The following KIF13B variants were observed in gnomAD, a reference collection of about 807,000 sequenced individuals.
KIF13B encodes the protein kinesin-like protein KIF13B.
Under a neutral mutation model 222.0 loss-of-function variants are expected in KIF13B, and 127 were observed. That is an observed-to-expected ratio of 0.57 (90% confidence interval 0.50 to 0.66). The LOEUF (loss-of-function observed/expected upper bound fraction) is 0.66, where lower values mean the gene tolerates loss of function less well. Ranked by LOEUF, KIF13B falls within the 30% of genes least tolerant of loss-of-function variation. KIF13B has a pLI of 0.00. For missense variants in KIF13B, 2,173 were observed against 2,379.0 expected, an observed-to-expected ratio of 0.91 and a Z score of 1.80; for synonymous variants, 976 against 919.0, an observed-to-expected ratio of 1.06 and a Z score of -1.12.
intron 2 of KIF13B, among the ~76,000 whole-genome samples, chr8:29,244,037 G>C (rs1000509931): frequency 6.6e-6 from 1 of 151,438 alleles, no homozygotes; most frequent in African/African-American, 2.4e-5. Flanking sequence ...TTTTTGAGAC[G>C]GAGTCTCGCT....
intron 2 of KIF13B, among the ~76,000 whole-genome samples, chr8:29,220,891 G>A (rs192273523): frequency 2.6e-5 from 4 of 152,154 alleles, no homozygotes; most frequent in East Asian, 1.9e-4. Context: ...CAAGTGGATC[G>A]CTTGAACCCA....
At chr8:29,239,077 A>C (rs1356031172) in intron 2 of KIF13B, among the ~76,000 whole-genome samples, 2 of 152,114 alleles carry the variant, frequency 1.3e-5, no homozygotes, top group Non-Finnish European at 2.9e-5. Flanking sequence ...AAAAGAAAGA[A>C]AGACAGGATA....
chr8:29,170,364 C>T (rs1045606169), intron 10 of KIF13B, among the ~76,000 whole-genome samples: 1 of 152,202 alleles, frequency 6.6e-6, no homozygotes, highest in African/African-American at 2.4e-5. Context: ...TGATTCAGAA[C>T]AGAGCTGAAA....
chr8:29,154,966 T>C (rs1029494960), intron 14 of KIF13B, among the ~76,000 whole-genome samples: 1 of 152,230 alleles, frequency 6.6e-6, no homozygotes, highest in Non-Finnish European at 1.5e-5. Context: ...GTCAACATAA[T>C]TCAGTTAACC....
At chr8:29,100,301 G>A (rs1808729643) in intron 35 of KIF13B, among the ~76,000 whole-genome samples, 1 of 152,134 alleles carries the variant, frequency 6.6e-6, no homozygotes, top group Non-Finnish European at 1.5e-5. Context: ...AACCCCAAAT[G>A]TTGCTTGTAC....
At chr8:29,165,904 T>TTCGATTGCAGATTGAAGTACC in intron 11 of KIF13B, 132 bp from the exon 12 acceptor site, 1 of 565,980 alleles carries the variant, frequency 1.8e-6, no homozygotes, top group Admixed American at 3.4e-5. Context: ...TGACATCTAC[T>TTCGATTGCAGATTGAAGTACC]TCGATTGTAG....
At chr8:29,205,352 C>T (rs1813882643) in intron 2 of KIF13B, among the ~76,000 whole-genome samples, 1 of 152,190 alleles carries the variant, frequency 6.6e-6, no homozygotes, top group Non-Finnish European at 1.5e-5. Flanking sequence ...TCCCACACAG[C>T]AGCAACAGGT....
At chr8:29,141,289 G>A (rs1810806967) in intron 19 of KIF13B, among the ~76,000 whole-genome samples, 3 of 150,972 alleles carry the variant, frequency 2.0e-5, no homozygotes, top group South Asian at 2.1e-4. Context: ...AGCCAAGATC[G>A]TGCCACTGCA....
At chr8:29,187,645 G>A (rs914848044) in intron 5 of KIF13B, among the ~76,000 whole-genome samples, 4 of 152,212 alleles carry the variant, frequency 2.6e-5, no homozygotes, top group Non-Finnish European at 5.9e-5. Flanking sequence ...CCGAAAACCA[G>A]TAACTACTGA....
chr8:29,165,952 T>A (rs1244989933), intron 11 of KIF13B, among the ~76,000 whole-genome samples, 180 bp from the exon 12 acceptor site: 1 of 152,256 alleles, frequency 6.6e-6, no homozygotes, highest in Non-Finnish European at 1.5e-5. Flanking sequence ...CACAAACTCA[T>A]TGAGTTATCC....
intron 31 of KIF13B, among the ~76,000 whole-genome samples, chr8:29,115,014 G>A (rs937619174): frequency 7.2e-5 from 11 of 152,284 alleles, no homozygotes; most frequent in Non-Finnish European, 4.4e-5. Context: ...AGCTAACCCC[G>A]TGACCTGGAT....
chr8:29,147,219 G>A (rs1251755664), intron 17 of KIF13B, among the ~76,000 whole-genome samples, 173 bp downstream of exon 17: 2 of 152,162 alleles, frequency 1.3e-5, no homozygotes, highest in African/African-American at 4.8e-5. Flanking sequence ...ATATAAATGG[G>A]CAATTCCCCT....
At chr8:29,110,608 TCAATCTTCTG>T (rs1274388028) in intron 32 of KIF13B, 3 of 153,710 alleles carry the variant, frequency 2.0e-5, no homozygotes, top group Non-Finnish European at 4.3e-5. Flanking sequence ...TAGAATTGGT[TCAATCTTCTG>T]CTCGAGTGGC....
chr8:29,229,773 T>C (rs1006175504), intron 2 of KIF13B, among the ~76,000 whole-genome samples: 14 of 152,184 alleles, frequency 9.2e-5, no homozygotes, highest in African/African-American at 3.4e-4. Context: ...TTACAGTTGC[T>C]ATCTGGGGCA....
chr8:29,152,255 G>A (rs180711115), intron 14 of KIF13B, among the ~76,000 whole-genome samples: 15 of 152,314 alleles, frequency 9.8e-5, no homozygotes. Context: ...TGAAGATGCT[G>A]TGAACATTGC....
intron 2 of KIF13B, among the ~76,000 whole-genome samples, chr8:29,204,765 C>G (rs564565699): frequency 8.7e-5 from 13 of 149,082 alleles, no homozygotes; most frequent in African/African-American, 3.0e-4. Flanking sequence ...CCTTCGGCCA[C>G]AGACCAAAAA....
At chr8:29,178,564 T>C (rs1812578374) in intron 8 of KIF13B, among the ~76,000 whole-genome samples, 1 of 152,026 alleles carries the variant, frequency 6.6e-6, no homozygotes, top group Non-Finnish European at 1.5e-5. Flanking sequence ...TTTTTAAAGC[T>C]TTCCTTTAAA....
chr8:29,070,375 C>A lies in KIF13B; in HGVS notation c.*129G>T. ...CCCAGGGAGGTCACCAGCCCTGTGT[C>A]GTGCAAAAAGCATTCATCGCCCTGC... On this transcript the variant is annotated 3_prime_UTR_variant, in exon 40 of 40. Transcript: ENST00000524189. The surrounding 1 kb of genome is among the most constrained non-coding windows in gnomAD (Gnocchi z 4.1). The A allele has an allele frequency of 9.8e-7, 1 of 1,020,228 alleles. No individual in the cohort carries two copies. The highest frequency in any genetic ancestry group is 1.5e-5 in the South Asian group (1 of 67,292). 63.2% of individuals were successfully genotyped at this position (1,020,228 alleles called of 1,614,324 possible).
chr8:29,080,240 G>A (rs1197833456), intron 37 of KIF13B, among the ~76,000 whole-genome samples: 1 of 137,520 alleles, frequency 7.3e-6, no homozygotes, highest in African/African-American at 2.7e-5. Context: ...TGGGAGCTGA[G>A]AATTGCTTGA....
Sources: allele counts gnomAD v4.1 joint callset (sites outside exome capture counted in the v4.1 genomes callset), GRCh38; gene constraint gnomAD v4.1.1; non-coding constraint Gnocchi (gnomAD v3.1); transcripts MANE v1.5; gene names NCBI Gene and HGNC (gene_info 2026-07-23, HGNC 2026-07-21).